Variants in RSRC1 observed in about 807,000 individuals in gnomAD.
The protein encoded by RSRC1 is arginine and serine rich coiled-coil 1, also known as serine/Arginine-related protein 53.
Under a neutral mutation model 49.1 loss-of-function variants are expected in RSRC1, and 39 were observed. The ratio of observed to expected loss-of-function variants is 0.79; its 90% CI spans 0.61 to 1.04. The LOEUF is 1.04. Ranked by LOEUF, RSRC1 falls within the 50% of genes least tolerant of loss-of-function variation. RSRC1 has a pLI of 0.00. For synonymous variants in RSRC1, 143 were observed against 130.8 expected (o/e 1.09, Z -0.63); for missense variants, 388 against 402.4 (o/e 0.96, Z 0.31).
intron 6 of RSRC1, among the ~76,000 whole-genome samples, chr3:158,425,832 T>C (rs1350941567): frequency 6.6e-6 from 1 of 151,846 alleles, no homozygotes; most frequent in Non-Finnish European, 1.5e-5. Context: ...AAATTCATAT[T>C]GAATAGCAAA....
intron 5 of RSRC1, among the ~76,000 whole-genome samples, chr3:158,337,332 C>T (rs772577533): frequency 5.9e-5 from 9 of 152,098 alleles, no homozygotes; most frequent in Non-Finnish European, 1.3e-4. Context: ...TTTTTCTGTC[C>T]CCAGTCCCAC....
intron 4 of RSRC1, among the ~76,000 whole-genome samples, chr3:158,288,698 T>A (rs1520661): frequency 6.6e-5 from 10 of 152,304 alleles, no homozygotes; most frequent in African/African-American, 1.9e-4. Context: ...TGTCTATAAT[T>A]TATGTATTAT....
rs557575082 is a variant in RSRC1 at position 158,135,846 on chromosome 3, TGTG to T, written c.320+11861_320+11863del. 1.5e-3 allele frequency among the ~76,000 whole-genome samples: 232 copies of T among 152,342 alleles called. 1 individual carries two copies. The highest frequency in any genetic ancestry group is 5.4e-3 in the African/African-American group (225 of 41,586). ...TTTCCTGTCTAAGGACCCTTGAACA[TGTG>T]GTGGTTGCCTCTGCTCAAAATGTAC... On this transcript the variant is annotated intron_variant, in intron 3 of 9. Coordinates refer to ENST00000611884, the MANE Select transcript of RSRC1 (RefSeq NM_001271838.2).
At chr3:158,138,491 G>A (rs1279313482) in intron 3 of RSRC1, among the ~76,000 whole-genome samples, 1 of 152,180 alleles carries the variant, frequency 6.6e-6, no homozygotes, top group East Asian at 1.9e-4. Flanking sequence ...CCTGGGCAGG[G>A]CCCAGCCCAG....
At chr3:158,402,021 G>C (rs1055981684) in intron 6 of RSRC1, among the ~76,000 whole-genome samples, 10 of 151,814 alleles carry the variant, frequency 6.6e-5, no homozygotes, top group Non-Finnish European at 1.5e-4. Context: ...GATTTAAGGT[G>C]GGGTAGGGGA....
At chr3:158,121,284 A>G (rs1715242214) in intron 1 of RSRC1, among the ~76,000 whole-genome samples, 1 of 152,088 alleles carries the variant, frequency 6.6e-6, no homozygotes, top group African/African-American at 2.4e-5. Flanking sequence ...TTGTGTACAT[A>G]TTTCTTAATG....
intron 5 of RSRC1, among the ~76,000 whole-genome samples, chr3:158,328,365 T>C (rs868730998): frequency 3.3e-5 from 5 of 152,224 alleles, no homozygotes; most frequent in African/African-American, 1.2e-4. Flanking sequence ...TTGCAGTGGC[T>C]GGTACCGGTA....
At chr3:158,125,871 A>C (rs1421460315) in intron 3 of RSRC1, among the ~76,000 whole-genome samples, 1 of 152,086 alleles carries the variant, frequency 6.6e-6, no homozygotes, top group African/African-American at 2.4e-5. Flanking sequence ...TTTACTTTAT[A>C]TATTTGAGTG....
chr3:158,397,756 C>T (rs1733690496), intron 6 of RSRC1, among the ~76,000 whole-genome samples: 1 of 152,046 alleles, frequency 6.6e-6, no homozygotes, highest in African/African-American at 2.4e-5. Flanking sequence ...TTTGAACATG[C>T]TCTTCTCTTT....
chr3:158,275,921 C>A (rs956314281), intron 4 of RSRC1: 5 of 708,154 alleles, frequency 7.1e-6, no homozygotes, highest in Non-Finnish European at 1.0e-5. Flanking sequence ...GCTCTTTTGG[C>A]CTGCAGATGT....
chr3:158,444,069 C>G (rs1736539201), intron 6 of RSRC1, among the ~76,000 whole-genome samples: 1 of 152,114 alleles, frequency 6.6e-6, no homozygotes. Flanking sequence ...TCACAGGTGA[C>G]AGATATCAAC....
intron 4 of RSRC1, among the ~76,000 whole-genome samples, chr3:158,270,752 CA>C (rs1725473785): frequency 6.6e-6 from 1 of 152,072 alleles, no homozygotes; most frequent in African/African-American, 2.4e-5. Context: ...TTAAAATATA[CA>C]GATTCATTAT....
At chr3:158,529,717 C>T (rs746318948) in intron 7 of RSRC1, among the ~76,000 whole-genome samples, 1 of 151,850 alleles carries the variant, frequency 6.6e-6, no homozygotes, top group Non-Finnish European at 1.5e-5. Context: ...ATGATGAAAA[C>T]AAAAATTTCC....
chr3:158,536,387 T>C (rs1712713782), intron 7 of RSRC1, among the ~76,000 whole-genome samples: 1 of 151,440 alleles, frequency 6.6e-6, no homozygotes, highest in African/African-American at 2.4e-5. Context: ...CAGTGGACTG[T>C]AAGTGATAGA....
At chr3:158,136,410 C>G (rs1325702416) in intron 3 of RSRC1, among the ~76,000 whole-genome samples, 1 of 152,122 alleles carries the variant, frequency 6.6e-6, no homozygotes, top group South Asian at 2.1e-4. Context: ...CTATTGCTTG[C>G]TTGGTAAACT....
intron 5 of RSRC1, among the ~76,000 whole-genome samples, chr3:158,326,180 G>C (rs1263827787): frequency 1.1e-4 from 17 of 152,116 alleles, no homozygotes; most frequent in Non-Finnish European, 2.1e-4. Flanking sequence ...TGCAAACAGG[G>C]ACAATTTGAC....
At chr3:158,490,091 T>G (rs62287866) in intron 7 of RSRC1, among the ~76,000 whole-genome samples, 13,226 of 152,240 alleles carry the variant, frequency 0.087, 643 homozygotes, top group South Asian at 0.15. Context: ...TTTTTGGTTT[T>G]GTTTTGTTTT....
At position 158,151,163 on chromosome 3, in the gene RSRC1, A is replaced by G. The variant is rs371317251; in HGVS notation, c.320+27172A>G. Among the ~76,000 whole-genome samples the G allele has an allele frequency of 1.8e-4, 27 of 152,346 alleles. 1 individual carries two copies. The South Asian group carries it at 5.0e-3, about 28-fold the overall frequency. ...AGAGAAGCATACAGATTTATTTACT[A>G]TAATAAATAAAGTGACACAGGAGCC... is the stretch of plus-strand genomic sequence containing the variant. On this transcript the variant is annotated intron_variant, in intron 3 of 9. Transcript: ENST00000611884.
intron 3 of RSRC1, among the ~76,000 whole-genome samples, chr3:158,195,926 T>C: frequency 1.3e-5 from 2 of 151,968 alleles, no homozygotes; most frequent in Non-Finnish European, 2.9e-5. Context: ...TGAAGTCAGG[T>C]AGCGTGATGC....
Sources: allele counts gnomAD v4.1 joint callset (sites outside exome capture counted in the v4.1 genomes callset), GRCh38; gene constraint gnomAD v4.1.1; transcripts MANE v1.5; gene names NCBI Gene and HGNC (gene_info 2026-07-23, HGNC 2026-07-21).